The following FBXW10 variants were observed in gnomAD, a reference collection of about 807,000 sequenced individuals.
The protein encoded by FBXW10 is F-box and WD repeat domain containing 10.
A neutral mutation model predicts 113.1 loss-of-function variants in FBXW10; 68 were observed. That is an observed-to-expected ratio of 0.60 (90% CI 0.49 to 0.74). The LOEUF (loss-of-function observed/expected upper bound fraction) is 0.74. Among genes scored for constraint, FBXW10 ranks in the 30% least tolerant of loss-of-function variants. FBXW10 has a pLI of 0.00. For synonymous variants in FBXW10, 289 were observed against 481.6 expected, an observed-to-expected ratio of 0.60 and a Z score of 5.24; for missense variants, 753 against 1,284.5, an observed-to-expected ratio of 0.59 and a Z score of 6.32.
At chr17:18,777,832 C>T (rs998990859) in intron 13 of FBXW10, among the ~76,000 whole-genome samples, 18 of 151,888 alleles carry the variant, frequency 1.2e-4, no homozygotes, top group Non-Finnish European at 2.1e-4. Context: ...CGTGAGCCAC[C>T]GCGCCCGGCC....
intron 12 of FBXW10, 111 bp downstream of exon 12, chr17:18,772,794 C>A: frequency 1.1e-6 from 1 of 921,754 alleles, no homozygotes; most frequent in Non-Finnish European, 1.7e-6. Flanking sequence ...ATATTTTGGC[C>A]AGTGGTTTCC....
rs1400874539 is a variant in FBXW10, at chr17:18,766,849, C to T, written c.1691C>T (p.Ala564Val). The T allele has an allele frequency of 6.2e-6, 10 of 1,600,268 alleles. No individual in the cohort carries two copies. In the South Asian group the frequency reaches 8.9e-5, roughly 14 times the overall value. ...GLVKVWHIAMAQLVKTLSGHE... is the reference protein window; with the variant it reads ...GLVKVWHIAMVQLVKTLSGHE... ...GTGAAAGTGTGGCACATTGCCATGG[C>T]CCAGTTGGTAAAGGTAAGTGGGCAG... is the stretch of plus-strand genomic sequence containing the variant. Residue 564 changes from alanine (A) to valine (V), a missense_variant, in exon 9 of 14, where the codon GCC becomes GTC. Coordinates refer to ENST00000395665, the MANE Select transcript of FBXW10 (RefSeq NM_001267585.2).
chr17:18,750,027 A>C lies in FBXW10; in HGVS notation c.889A>C (p.Thr297Pro), dbSNP rs1338743545. Reference sequence around the variant, plus strand: ...TTTTCCAGGAATGCTGGATAGACACACCCTGAACAAGTGCGCCTCTGTGAG... The same window carrying C: ...TTTTCCAGGAATGCTGGATAGACACCCCCTGAACAAGTGCGCCTCTGTGAG... ...KYILRMLDRH[T>P]LNKCASVSQH... The change falls in exon 4 of 14, where the codon ACC becomes CCC. Residue 297 changes from threonine to proline, a missense_variant. Physicochemically the swap from Thr to Pro is conservative, Grantham distance 38. Coordinates refer to ENST00000395665, the MANE Select transcript of FBXW10 (RefSeq NM_001267585.2). 2 of 1,613,656 alleles carry C rather than the reference A, an allele frequency of 1.2e-6. No individual in the cohort carries two copies. Among genetic ancestry groups the C allele is most frequent in the Admixed American group, 1.7e-5 (1 of 59,964 alleles).
chr17:18,776,184 G>C (rs1310540403), intron 13 of FBXW10, among the ~76,000 whole-genome samples: 1 of 152,026 alleles, frequency 6.6e-6, no homozygotes, highest in Non-Finnish European at 1.5e-5. Context: ...AGCTGGGCAG[G>C]GTGGCATGTG....
Position 18,751,052 on chromosome 17 carries a change from A to G in FBXW10, c.1121A>G (p.Lys374Arg). 1 of 1,613,878 alleles carries G rather than the reference A, an allele frequency of 6.2e-7. No individual in the cohort carries two copies. Among genetic ancestry groups the G allele is most frequent in the Non-Finnish European group, 8.5e-7 (1 of 1,179,880 alleles). ...VKHPKWKLRT[K>R]NEYNLWTAYQ... Reference sequence around the variant, plus strand: ...CATCCGAAGTGGAAGCTGAGAACGAAGGTGGGTTCCAACAGCATCTGGGGC... The same window carrying G: ...CATCCGAAGTGGAAGCTGAGAACGAGGGTGGGTTCCAACAGCATCTGGGGC... The change falls in exon 5 of 14, where the codon AAG (lysine) becomes AGG (arginine). Residue 374 changes from lysine (K) to arginine (R), a missense_variant and splice_region_variant. Coordinates refer to ENST00000395665, the MANE Select transcript of FBXW10 (RefSeq NM_001267585.2).
Position 18,772,597 on chromosome 17 carries a change from C to G in FBXW10, c.2192C>G (p.Ser731Cys). The change falls in exon 12 of 14, where the codon TCC (serine) becomes TGC (cysteine). Residue 731 changes from serine to cysteine, a missense_variant. Ser to Cys is a moderately radical substitution (Grantham distance 112, BLOSUM62 -1). Transcript: ENST00000395665. ...IQVHSPRESV[S>C]SKQTVIQELL... is the part of the protein sequence containing the mutation. ...GTTCACAGCCCAAGAGAGTCTGTATCCAGTAAACAAACTGTGATCCAAGAG... is the reference window on the plus strand; with the variant it reads ...GTTCACAGCCCAAGAGAGTCTGTATGCAGTAAACAAACTGTGATCCAAGAG... The G allele has an allele frequency of 6.2e-7, 1 of 1,613,592 alleles. No individual in the cohort carries two copies. Among genetic ancestry groups the G allele is most frequent in the Non-Finnish European group, 8.5e-7 (1 of 1,179,484 alleles).
chr17:18,751,904 T>C (rs1415372902), intron 5 of FBXW10, among the ~76,000 whole-genome samples: 1 of 151,932 alleles, frequency 6.6e-6, no homozygotes, highest in Non-Finnish European at 1.5e-5. Flanking sequence ...TAATGAAGAG[T>C]GACCGGAAGA....
At chr17:18,773,886 C>G (rs899572924) in intron 12 of FBXW10, among the ~76,000 whole-genome samples, 6 of 152,188 alleles carry the variant, frequency 3.9e-5, no homozygotes, top group African/African-American at 1.4e-4. Context: ...GACACAGGGG[C>G]ACCAAAGACT....
At chr17:18,761,593 A>G (rs1246003483) in intron 7 of FBXW10, among the ~76,000 whole-genome samples, 1 of 152,258 alleles carries the variant, frequency 6.6e-6, no homozygotes, top group East Asian at 1.9e-4. Context: ...TAACAGCTAT[A>G]GTATATAAGT....
rs774518194 is a variant in FBXW10, at chr17:18,748,074, T to C, written c.639T>C (p.Asn213=). ...TSLPLSKAPE[N]EHLLGAASNP... ...TTCCTTTGTCCAAAGCCCCAGAAAA[T>C]GAACACTTGCTTGGGGCAGCATCTA... The change falls in exon 2 of 14, where the codon AAT becomes AAC. Residue 213 remains asparagine (N), a synonymous_variant. Transcript: ENST00000395665. 35 of 1,613,524 alleles carry C rather than the reference T, an allele frequency of 2.2e-5. No homozygotes were observed. In the South Asian group the frequency reaches 3.5e-4, roughly 16 times the overall value.
chr17:18,766,648 C>T, intron 8 of FBXW10, 66 bp from the exon 9 acceptor site: 1 of 1,557,558 alleles, frequency 6.4e-7, no homozygotes, highest in Non-Finnish European at 8.8e-7. Context: ...CAGAACTCCA[C>T]TGTAACCTTT....
intron 11 of FBXW10, 56 bp downstream of exon 11, chr17:18,770,141 T>G: frequency 6.2e-7 from 1 of 1,608,320 alleles, no homozygotes; most frequent in East Asian, 2.2e-5. Context: ...ATTTTTTGAT[T>G]TTTTTCCTCC....
At chr17:18,762,706 T>C (rs1019611682) in intron 7 of FBXW10, among the ~76,000 whole-genome samples, 7 of 152,218 alleles carry the variant, frequency 4.6e-5, no homozygotes, top group African/African-American at 1.7e-4. Flanking sequence ...TCCAGTGCCA[T>C]GGCAGGCAGT....
rs560989409 is a variant in FBXW10 at position 18,757,134 on chromosome 17, A to G, written c.1232+980A>G. ...TATATATATACATAAAAATATATGT[A>G]TATACACACACACATATATATGTAG... On this transcript the variant is annotated intron_variant, in intron 6 of 13. Coordinates refer to ENST00000395665, the MANE Select transcript of FBXW10 (RefSeq NM_001267585.2). 5.3e-4 allele frequency among the ~76,000 whole-genome samples: 80 copies of G among 152,342 alleles called. 1 individual carries two copies. In the East Asian group the frequency reaches 0.014, roughly 27 times the overall value.
intron 8 of FBXW10, among the ~76,000 whole-genome samples, chr17:18,765,917 C>T (rs1411082548): frequency 1.9e-4 from 28 of 150,888 alleles, no homozygotes; most frequent in East Asian, 1.9e-4. Flanking sequence ...TTAGTAGAGA[C>T]GGGGTTTCAC....
Position 18,772,555 on chromosome 17 carries a change from C to CT in FBXW10, c.2151dup (p.Lys718Ter). The CT allele has an allele frequency of 1.2e-6, 2 of 1,614,062 alleles. No homozygotes were observed. The highest frequency in any genetic ancestry group is 2.2e-5 in the South Asian group (2 of 91,080). On this transcript the variant is annotated frameshift_variant, in exon 12 of 14. Coordinates refer to ENST00000395665, the MANE Select transcript of FBXW10 (RefSeq NM_001267585.2). LOFTEE classifies it high-confidence loss of function. ...GAAAATAGTCTCATGGAAATTCTCT[C>CT]TAAGTGTAATATTCAGGTTCACAGC...
At chr17:18,762,409 CCT>C (rs2035404476) in intron 7 of FBXW10, among the ~76,000 whole-genome samples, 2 of 150,994 alleles carry the variant, frequency 1.3e-5, no homozygotes, top group African/African-American at 4.9e-5. Context: ...CCTCCGACTC[CCT>C]GATTCAAAGG....
At position 18,775,208 on chromosome 17, in the gene FBXW10, A is replaced by C; in HGVS notation, c.2335+16A>C. On this transcript the variant is annotated intron_variant, in intron 13 of 13. Transcript: ENST00000395665. ...CGAAGAGATGGTAAGAAGAGAGTTT[A>C]TTCTGTTCATAAGGGAACAAGTGGC... The C allele has an allele frequency of 6.3e-7, 1 of 1,578,648 alleles. No homozygotes were observed. The highest frequency in any genetic ancestry group is 1.3e-5 in the African/African-American group (1 of 74,226).
rs772936873 is a variant in FBXW10, at chr17:18,749,840, C to T, written c.789C>T (p.Asp263=). The T allele has an allele frequency of 3.1e-6, 5 of 1,614,026 alleles. No individual in the cohort carries two copies. In the Admixed American group the frequency reaches 8.3e-5, roughly 27 times the overall value. Residue 263 remains aspartate (D), a synonymous_variant, in exon 3 of 14, where the codon GAC becomes GAT. Coordinates refer to ENST00000395665, the MANE Select transcript of FBXW10 (RefSeq NM_001267585.2). ...DPCNLLVDLD[D]IRDLSSGFSK... ...GCAATCTATTGGTTGACCTGGATGA[C>T]ATCAGAGACCTGTCTTCTGGGTTCA...
Sources: allele counts gnomAD v4.1 joint callset (sites outside exome capture counted in the v4.1 genomes callset), GRCh38; gene constraint gnomAD v4.1.1; transcripts MANE v1.5; gene names NCBI Gene and HGNC (gene_info 2026-07-23, HGNC 2026-07-21).